SLC25A13: variants seen among roughly 807,000 people sequenced by gnomAD.
The protein encoded by SLC25A13 is electrogenic aspartate/glutamate antiporter SLC25A13, mitochondrial.
A neutral mutation model predicts 85.5 loss-of-function variants in SLC25A13; 70 were observed. That is an observed-to-expected ratio of 0.82 (90% confidence interval 0.68 to 1.00). The LOEUF is 1.00. Among genes scored for constraint, SLC25A13 ranks in the 50% least tolerant of loss-of-function variants. The pLI is 0.00. For synonymous variants in SLC25A13, 259 were observed against 288.7 expected, an observed-to-expected ratio of 0.90 and a Z score of 1.04; for missense variants, 765 against 819.8, an observed-to-expected ratio of 0.93 and a Z score of 0.82.
chr7:96,278,473 A>G (rs891629353), intron 2 of SLC25A13, among the ~76,000 whole-genome samples: 10 of 152,332 alleles, frequency 6.6e-5, no homozygotes, highest in Admixed American at 3.9e-4. Flanking sequence ...CTCAGTAGTA[A>G]TATGCTTTGG....
At chr7:96,165,209 A>G (rs894479353) in intron 13 of SLC25A13, among the ~76,000 whole-genome samples, 1 of 152,156 alleles carries the variant, frequency 6.6e-6, no homozygotes, top group African/African-American at 2.4e-5. Context: ...AGTTATACAG[A>G]ATGTTTGAAG....
intron 15 of SLC25A13, 142 bp from the exon 16 acceptor site, chr7:96,122,139 T>G: frequency 1.9e-6 from 2 of 1,048,854 alleles, no homozygotes; most frequent in Non-Finnish European, 2.8e-6. Flanking sequence ...CTATGGGAAA[T>G]GCAACCATGC....
At chr7:96,125,823 A>T (rs1791703325) in intron 15 of SLC25A13, among the ~76,000 whole-genome samples, 1 of 149,620 alleles carries the variant, frequency 6.7e-6, no homozygotes, top group Non-Finnish European at 1.5e-5. Context: ...CCATTATATC[A>T]TTCAGAACTA....
At chr7:96,125,371 C>A (rs1791682507) in intron 15 of SLC25A13, among the ~76,000 whole-genome samples, 1 of 152,198 alleles carries the variant, frequency 6.6e-6, no homozygotes, top group African/African-American at 2.4e-5. Flanking sequence ...GAATTACAGG[C>A]ATGAGCTACT....
intron 5 of SLC25A13, among the ~76,000 whole-genome samples, chr7:96,203,059 G>C (rs1795320757): frequency 6.6e-6 from 1 of 152,094 alleles, no homozygotes; most frequent in African/African-American, 2.4e-5. Context: ...CCTCTCCTTG[G>C]TCACGTTCCT....
intron 3 of SLC25A13, among the ~76,000 whole-genome samples, chr7:96,265,275 A>G (rs1798006028): frequency 6.6e-6 from 1 of 152,204 alleles, no homozygotes; most frequent in African/African-American, 2.4e-5. Flanking sequence ...CTGTTTCTCT[A>G]TATTATGCAG....
At chr7:96,139,562 G>A (rs1325167115) in intron 14 of SLC25A13, among the ~76,000 whole-genome samples, 2 of 152,092 alleles carry the variant, frequency 1.3e-5, no homozygotes, top group African/African-American at 4.8e-5. Flanking sequence ...TTAAATGAGA[G>A]AATAAAAGTC....
At chr7:96,168,216 G>C (rs1440965459) in intron 13 of SLC25A13, among the ~76,000 whole-genome samples, 1 of 149,546 alleles carries the variant, frequency 6.7e-6, no homozygotes, top group East Asian at 2.0e-4. Context: ...TGGGTTGTCT[G>C]CTACCTACAG....
chr7:96,278,437 A>C (rs1245873482), intron 2 of SLC25A13, among the ~76,000 whole-genome samples: 1 of 152,230 alleles, frequency 6.6e-6, no homozygotes, highest in South Asian at 2.1e-4. Flanking sequence ...TTTAATTCCA[A>C]TGCAGACTAA....
chr7:96,277,788 C>T (rs1173609098), intron 2 of SLC25A13, among the ~76,000 whole-genome samples: 1 of 118,226 alleles, frequency 8.5e-6, no homozygotes, highest in African/African-American at 3.1e-5. Context: ...AGCAAAGGCA[C>T]ATAGCTTTTT....
At chr7:96,219,796 C>T (rs758277978) in intron 4 of SLC25A13, 1 of 529,550 alleles carries the variant, frequency 1.9e-6, no homozygotes, top group Admixed American at 2.0e-5. Flanking sequence ...TATCAATTCT[C>T]AAGATTCATA....
chr7:96,250,737 T>TAAA (rs1280378801), intron 3 of SLC25A13, among the ~76,000 whole-genome samples: 1 of 30,030 alleles, frequency 3.3e-5, no homozygotes, highest in African/African-American at 1.4e-4. Flanking sequence ...TTAGACCTGT[T>TAAA]ACAAAAAAAA....
At position 96,229,164 on chromosome 7, in the gene SLC25A13, C is replaced by T. The variant is rs1431180037; in HGVS notation, c.328+5638G>A. Among the ~76,000 whole-genome samples the T allele has an allele frequency of 2.0e-5, 3 of 152,224 alleles. No homozygotes were observed. The East Asian group carries it at 5.8e-4, about 29-fold the overall frequency. On this transcript the variant is annotated intron_variant, in intron 4 of 17. Transcript: ENST00000265631. ...TGCGGGATCTACTAGGTGAAGCCAG[C>T]TGGGCTCCTGAGTCGGGTGGGGACT... is the stretch of plus-strand genomic sequence containing the variant.
chr7:96,319,581 A>G (rs1304508994), intron 1 of SLC25A13, among the ~76,000 whole-genome samples: 3 of 150,032 alleles, frequency 2.0e-5, no homozygotes, highest in African/African-American at 7.3e-5. Flanking sequence ...AGAGAGCAGT[A>G]TAAGGAGACT....
At chr7:96,298,590 T>C (rs1323057310) in intron 1 of SLC25A13, among the ~76,000 whole-genome samples, 2 of 152,116 alleles carry the variant, frequency 1.3e-5, no homozygotes, top group African/African-American at 2.4e-5. Context: ...TGCACCACCA[T>C]GCCCGGCTAA....
chr7:96,290,472 C>T (rs1215434633), intron 2 of SLC25A13, among the ~76,000 whole-genome samples: 1 of 151,944 alleles, frequency 6.6e-6, no homozygotes, highest in Non-Finnish European at 1.5e-5. Context: ...TTAAAAGACA[C>T]AGACTGGCAA....
chr7:96,142,893 C>T (rs1234861884), intron 14 of SLC25A13, among the ~76,000 whole-genome samples: 1 of 152,144 alleles, frequency 6.6e-6, no homozygotes, highest in African/African-American at 2.4e-5. Context: ...CATTTATACA[C>T]ACATTATAGA....
At chr7:96,252,648 G>C (rs1054912758) in intron 3 of SLC25A13, among the ~76,000 whole-genome samples, 1 of 152,210 alleles carries the variant, frequency 6.6e-6, no homozygotes, top group Admixed American at 6.5e-5. Flanking sequence ...ATGGTATAAT[G>C]AACGTGAAGT....
intron 10 of SLC25A13, 79 bp downstream of exon 10, chr7:96,184,848 T>C (rs1274098571): frequency 8.1e-6 from 10 of 1,240,214 alleles, no homozygotes; most frequent in Non-Finnish European, 1.2e-5. Flanking sequence ...CTTTGTCCTT[T>C]AACATTTCAA....
Sources: allele counts gnomAD v4.1 joint callset (sites outside exome capture counted in the v4.1 genomes callset), GRCh38; gene constraint gnomAD v4.1.1; transcripts MANE v1.5; gene names NCBI Gene and HGNC (gene_info 2026-07-23, HGNC 2026-07-21).